The following P2RY2 variants were observed in gnomAD, a reference collection of about 807,000 sequenced individuals.
The protein encoded by P2RY2 is purinergic receptor P2Y2.
For missense variants in P2RY2, 567 were observed against 515.7 expected, an observed-to-expected ratio of 1.10 and a Z score of -0.96; for synonymous variants, 241 against 231.9, an observed-to-expected ratio of 1.04 and a Z score of -0.35.
chr11:73,236,818 C>T lies in P2RY2; in HGVS notation c.*1525C>T. 2 of 985,400 alleles carry T rather than the reference C, an allele frequency of 2.0e-6. No homozygotes were observed. The highest frequency in any genetic ancestry group is 4.7e-5 in the South Asian group (1 of 21,292). The allele number at this position is 985,400 out of a possible 1,614,324, so 61.0% of individuals were successfully genotyped here. ...CTTAGTATGGGGGAGATGGGTCTCA[C>T]CTATGATAGGTTCTGAGTCTAGCCA... On this transcript the variant is annotated 3_prime_UTR_variant, in exon 3 of 3. Transcript: ENST00000393597.
In P2RY2 at chr11:73,237,888, G is replaced by A. The variant is rs898375272; in HGVS notation, c.*2595G>A. Among the ~76,000 whole-genome samples, 1 of 152,178 alleles carries A rather than the reference G, an allele frequency of 6.6e-6. No homozygotes were observed. The highest frequency in any genetic ancestry group is 2.1e-4 in the South Asian group (1 of 4,826). On this transcript the variant is annotated 3_prime_UTR_variant, in exon 3 of 3. Coordinates refer to ENST00000393597, the MANE Select transcript of P2RY2 (RefSeq NM_002564.4). The stretch of plus-strand genomic sequence containing the variant: ...CCCCAGACCATTGTCCAGCAGTGAC[G>A]TGAGGGGATCTGCCTGCCCTCAAAA...
chr11:73,232,974 C>A (rs1292142615), intron 2 of P2RY2, among the ~76,000 whole-genome samples: 3 of 152,106 alleles, frequency 2.0e-5, no homozygotes, highest in Non-Finnish European at 4.4e-5. Flanking sequence ...AGGGAGGGGA[C>A]AAGCTGCTCC....
Position 73,223,295 on chromosome 11 carries a change from C to A in P2RY2, c.-199-4686C>A, listed in dbSNP as rs868308162. ...CACCTTCTTTCCTCCCAAGCTGGAC[C>A]CTTCCTGCTCCTCCTCAAATCTTAT... On this transcript the variant is annotated intron_variant, in intron 1 of 2. Transcript: ENST00000393597. 5.3e-5 allele frequency among the ~76,000 whole-genome samples: 8 copies of A among 152,282 alleles called. No homozygotes were observed. The South Asian group carries it at 1.5e-3, about 28-fold the overall frequency.
Position 73,239,987 on chromosome 11 carries a change from T to G in P2RY2, c.*4694T>G, listed in dbSNP as rs1383504527. 2.6e-5 allele frequency: 4 copies of G among 152,408 alleles called. No individual in the cohort carries two copies. The highest frequency in any genetic ancestry group is 9.7e-5 in the African/African-American group (4 of 41,434). 9.4% of individuals were successfully genotyped at this position (152,408 alleles called of 1,614,324 possible). On this transcript the variant is annotated 3_prime_UTR_variant, in exon 3 of 3. Coordinates refer to ENST00000393597, the MANE Select transcript of P2RY2 (RefSeq NM_002564.4). ...GGGTGTGCTTGTGGGGGTGAAGGGT[T>G]GGGGTGAGAACTGAGCCCGAGTCGA...
In P2RY2 at chr11:73,235,599, A is replaced by G. The variant is rs1862629544; in HGVS notation, c.*306A>G. On this transcript the variant is annotated 3_prime_UTR_variant, in exon 3 of 3. Transcript: ENST00000393597. ...AAGTAGCTGGCTGTACTGCCAAGGTACCTAGGTTGGAGTCCAGCCTAATCA... is the reference window on the plus strand; with the variant it reads ...AAGTAGCTGGCTGTACTGCCAAGGTGCCTAGGTTGGAGTCCAGCCTAATCA... 3 of 1,106,130 alleles carry G rather than the reference A, an allele frequency of 2.7e-6. No homozygotes were observed. The highest frequency in any genetic ancestry group is 3.3e-6 in the Non-Finnish European group (3 of 899,678). The allele number at this position is 1,106,130 out of a possible 1,614,324, so 68.5% of individuals were successfully genotyped here.
chr11:73,227,931 G>A (rs1009370375), intron 1 of P2RY2, 50 bp from the exon 2 acceptor site: 3 of 152,206 alleles, frequency 2.0e-5, no homozygotes, highest in African/African-American at 4.8e-5. Flanking sequence ...GACCTGGGTA[G>A]GTTTCCATGA....
chr11:73,226,454 G>A (rs760173914), intron 1 of P2RY2, among the ~76,000 whole-genome samples: 4 of 152,068 alleles, frequency 2.6e-5, no homozygotes, highest in Non-Finnish European at 5.9e-5. Flanking sequence ...AGACCACCAG[G>A]CAAGGTGCAC....
At position 73,234,699 on chromosome 11, in the gene P2RY2, C is replaced by T. The variant is rs1440604511; in HGVS notation, c.540C>T (p.Arg180=). 3 of 1,605,684 alleles carry T rather than the reference C, an allele frequency of 1.9e-6. No individual in the cohort carries two copies. Among genetic ancestry groups the T allele is most frequent in the East Asian group, 2.2e-5 (1 of 44,798 alleles). Reference sequence around the variant, plus strand: ...TCACCACCAGCGCGCGCGGGGGCCGCGTAACCTGCCACGACACCTCGGCAC... The same window carrying T: ...TCACCACCAGCGCGCGCGGGGGCCGTGTAACCTGCCACGACACCTCGGCAC... ...YFVTTSARGG[R]VTCHDTSAPE... The change falls in exon 3 of 3, where the codon CGC becomes CGT. Residue 180 remains arginine (R), a synonymous_variant. Coordinates refer to ENST00000393597, the MANE Select transcript of P2RY2 (RefSeq NM_002564.4).
chr11:73,227,554 G>T (rs1171757591), intron 1 of P2RY2, among the ~76,000 whole-genome samples: 1 of 152,156 alleles, frequency 6.6e-6, no homozygotes, highest in Non-Finnish European at 1.5e-5. Flanking sequence ...CCTAGCTTGG[G>T]CAAAATTGTA....
chr11:73,234,602 G>A lies in P2RY2; in HGVS notation c.443G>A (p.Arg148His), dbSNP rs2135646699. The A allele has an allele frequency of 1.1e-5, 18 of 1,567,018 alleles. No homozygotes were observed. The highest frequency in any genetic ancestry group is 1.3e-5 in the Non-Finnish European group (15 of 1,155,728). Reference sequence around the variant, plus strand: ...CGCTCCCTGCGCTGGGGCCGGGCCCGCTACGCTCGCCGGGTGGCCGGGGCC... The same window carrying A: ...CGCTCCCTGCGCTGGGGCCGGGCCCACTACGCTCGCCGGGTGGCCGGGGCC... Reference protein sequence around the residue: ...PLRSLRWGRARYARRVAGAVW... With the variant: ...PLRSLRWGRAHYARRVAGAVW... Residue 148 changes from arginine (R) to histidine (H), a missense_variant, in exon 3 of 3, where the codon CGC becomes CAC. By Grantham distance (29) the Arg-to-His change is conservative. Coordinates refer to ENST00000393597, the MANE Select transcript of P2RY2 (RefSeq NM_002564.4).
In P2RY2 at chr11:73,234,971, T is replaced by G. The variant is rs750241100; in HGVS notation, c.812T>G (p.Phe271Cys). 3.1e-6 allele frequency: 5 copies of G among 1,610,404 alleles called. No individual in the cohort carries two copies. The highest frequency in any genetic ancestry group is 4.5e-5 in the East Asian group (2 of 44,888). Residue 271 changes from phenylalanine (F) to cysteine (C), a missense_variant, in exon 3 of 3, where the codon TTC (phenylalanine) becomes TGC (cysteine). Physicochemically the swap from Phe to Cys is radical, Grantham distance 205. Coordinates refer to ENST00000393597, the MANE Select transcript of P2RY2 (RefSeq NM_002564.4). ...GTCACCCGCACCCTCTACTACTCCTTCCGCTCGCTGGACCTCAGCTGCCAC... is the reference window on the plus strand; with the variant it reads ...GTCACCCGCACCCTCTACTACTCCTGCCGCTCGCTGGACCTCAGCTGCCAC... ...FHVTRTLYYS[F>C]RSLDLSCHTL...
rs1862689600 is a variant in P2RY2 at position 73,237,786 on chromosome 11, G to A, written c.*2493G>A. Among the ~76,000 whole-genome samples, 1 of 152,208 alleles carries A rather than the reference G, an allele frequency of 6.6e-6. No individual in the cohort carries two copies. Among genetic ancestry groups the A allele is most frequent in the African/African-American group, 2.4e-5 (1 of 41,446 alleles). On this transcript the variant is annotated 3_prime_UTR_variant, in exon 3 of 3. Transcript: ENST00000393597. ...TTGCTGCTCAGTGCCCAGGCCACTT[G>A]CCTTGTGGGTGAAGTTCCTGCCCTG...
chr11:73,232,826 C>T (rs959728490), intron 2 of P2RY2, among the ~76,000 whole-genome samples: 17 of 152,294 alleles, frequency 1.1e-4, no homozygotes, highest in African/African-American at 3.8e-4. Context: ...CTTGCCCACC[C>T]AGGACTTCTG....
Position 73,238,150 on chromosome 11 carries a change from G to A in P2RY2, c.*2857G>A, listed in dbSNP as rs1434699031. 6.6e-6 allele frequency among the ~76,000 whole-genome samples: 1 copy of A among 152,238 alleles called. No individual in the cohort carries two copies. The highest frequency in any genetic ancestry group is 2.4e-5 in the African/African-American group (1 of 41,456). On this transcript the variant is annotated 3_prime_UTR_variant, in exon 3 of 3. Coordinates refer to ENST00000393597, the MANE Select transcript of P2RY2 (RefSeq NM_002564.4). ...GCGCCTGGATGTAAGCAAGTGCCTT[G>A]GTGACGATCCTGCTGTCACTCACAC...
intron 1 of P2RY2, among the ~76,000 whole-genome samples, chr11:73,220,133 G>T (rs1246545467): frequency 1.3e-5 from 2 of 152,212 alleles, no homozygotes; most frequent in African/African-American, 4.8e-5. Context: ...TCCAGTAAAG[G>T]CCCGGCTGCA....
At chr11:73,221,242 C>T (rs373362144) in intron 1 of P2RY2, among the ~76,000 whole-genome samples, 71 of 152,240 alleles carry the variant, frequency 4.7e-4, no homozygotes, top group African/African-American at 1.5e-3. Context: ...TCACTAGTAA[C>T]GATTTACAAC....
chr11:73,237,230 A>G lies in P2RY2; in HGVS notation c.*1937A>G. On this transcript the variant is annotated 3_prime_UTR_variant, in exon 3 of 3. Transcript: ENST00000393597. ...CTAGGTTCTATACTTCTGTTAATGT[A>G]GCCGATGTCCTTCTGAGTTTTTTTT... is the stretch of plus-strand genomic sequence containing the variant. 1.8e-6 allele frequency: 1 copy of G among 544,380 alleles called. No homozygotes were observed. Among genetic ancestry groups the G allele is most frequent in the Non-Finnish European group, 2.3e-6 (1 of 427,232 alleles). The allele number at this position is 544,380 out of a possible 1,614,324, so 33.7% of individuals were successfully genotyped here.
At position 73,236,387 on chromosome 11, in the gene P2RY2, G is replaced by C. The variant is rs1357589173; in HGVS notation, c.*1094G>C. The C allele has an allele frequency of 5.8e-6, 2 of 347,360 alleles. No homozygotes were observed. The highest frequency in any genetic ancestry group is 4.5e-5 in the African/African-American group (2 of 44,796). The allele number at this position is 347,360 out of a possible 1,614,324, so 21.5% of individuals were successfully genotyped here. On this transcript the variant is annotated 3_prime_UTR_variant, in exon 3 of 3. Transcript: ENST00000393597. The stretch of plus-strand genomic sequence containing the variant: ...ATTTAACAATTGGTTCTTGCAAGCA[G>C]GTACAAGTCACTCTAGCACACCACT...
At chr11:73,220,328 T>C (rs1862082056) in intron 1 of P2RY2, among the ~76,000 whole-genome samples, 1 of 152,210 alleles carries the variant, frequency 6.6e-6, no homozygotes, top group African/African-American at 2.4e-5. Flanking sequence ...AGGTGTTTCA[T>C]GGTCAGAGCG....
Sources: allele counts gnomAD v4.1 joint callset (sites outside exome capture counted in the v4.1 genomes callset), GRCh38; gene constraint gnomAD v4.1.1; transcripts MANE v1.5; gene names NCBI Gene and HGNC (gene_info 2026-07-23, HGNC 2026-07-21).